SFT2D2: variants seen among roughly 807,000 people sequenced by gnomAD.
SFT2D2 encodes vesicle transport protein SFT2B.
A neutral mutation model predicts 27.4 loss-of-function variants in SFT2D2; 21 were observed. The observed-to-expected ratio is 0.77, with a 90% CI of 0.54 to 1.10. SFT2D2 has a LOEUF of 1.10. Ranked by LOEUF, SFT2D2 falls within the 50% of genes least tolerant of loss-of-function variation. The pLI, the probability that SFT2D2 is intolerant of heterozygous loss-of-function variation, is 0.00. For missense variants in SFT2D2, 187 were observed against 194.2 expected (o/e 0.96, Z 0.22); for synonymous variants, 72 against 71.7 (o/e 1.00, Z -0.02).
In SFT2D2 at chr1:168,245,313, G is replaced by C. The variant is rs1461816525; in HGVS notation, c.*2773G>C. ...TCAATTGTGTTTCTCCATGTTAGAA[G>C]TAAAGAATTAGGAATTGAAAATTTA... is the stretch of plus-strand genomic sequence containing the variant. On this transcript the variant is annotated 3_prime_UTR_variant, in exon 8 of 8. Transcript: ENST00000271375. 1 of 152,118 alleles carries C rather than the reference G, an allele frequency of 6.6e-6. No individual in the cohort carries two copies. Among genetic ancestry groups the C allele is most frequent in the African/African-American group, 2.4e-5 (1 of 41,420 alleles). 9.4% of individuals were successfully genotyped at this position (152,118 alleles called of 1,614,324 possible). A position where few individuals can be genotyped will look rare whatever the true frequency, so the allele number is the denominator to read the frequency against.
In SFT2D2 at chr1:168,246,810, A is replaced by G. The variant is rs747999937; in HGVS notation, c.*4270A>G. 4.5e-6 allele frequency: 3 copies of G among 673,326 alleles called. No homozygotes were observed. Among genetic ancestry groups the G allele is most frequent in the South Asian group, 2.9e-5 (2 of 69,638 alleles). The allele number at this position is 673,326 out of a possible 1,614,324, so 41.7% of individuals were successfully genotyped here. A position where few individuals can be genotyped will look rare whatever the true frequency, so the allele number is the denominator to read the frequency against. ...AGTAAGCTGTCCACTATAATGGGCT[A>G]TCGTTTTTGTTGATTTTTCCCCATT... On this transcript the variant is annotated 3_prime_UTR_variant, in exon 8 of 8. Transcript: ENST00000271375.
intron 6 of SFT2D2, 42 bp from the exon 7 acceptor site, chr1:168,239,089 C>T: frequency 1.4e-6 from 2 of 1,478,338 alleles, no homozygotes; most frequent in Non-Finnish European, 9.5e-7. Context: ...ATCTGCTACT[C>T]CCTTCATCTC....
At chr1:168,231,665 G>T (rs949834551) in intron 2 of SFT2D2, 65 bp downstream of exon 2, 2 of 1,533,666 alleles carry the variant, frequency 1.3e-6, no homozygotes, top group Non-Finnish European at 1.8e-6. Flanking sequence ...TCCCCCTTTT[G>T]TCCACCTCCT....
intron 4 of SFT2D2, among the ~76,000 whole-genome samples, chr1:168,235,584 C>T (rs932280942): frequency 3.1e-4 from 47 of 152,282 alleles, no homozygotes; most frequent in African/African-American, 1.1e-3. Context: ...ATAGAATGGC[C>T]TCTTTATTCC....
At position 168,239,159 on chromosome 1, in the gene SFT2D2, A is replaced by C; in HGVS notation, c.442A>C (p.Arg148=). The change falls in exon 7 of 8, where the codon AGG becomes CGG. Residue 148 remains arginine (R), a splice_region_variant and synonymous_variant. Transcript: ENST00000271375. ...CAGCCTTTCCTTCATACCATTTGCA[A>C]GGTAAGACTGTGTATTTGGAAATAA... is the stretch of plus-strand genomic sequence containing the variant. ...WYSLSFIPFA[R]DAVKKCFAVC... is the part of the protein sequence containing the mutation. The C allele has an allele frequency of 6.2e-7, 1 of 1,603,920 alleles. No homozygotes were observed. Among genetic ancestry groups the C allele is most frequent in the Non-Finnish European group, 8.5e-7 (1 of 1,170,696 alleles).
intron 7 of SFT2D2, among the ~76,000 whole-genome samples, chr1:168,241,225 T>TG (rs1647636454): frequency 1.3e-5 from 2 of 148,268 alleles, no homozygotes; most frequent in Non-Finnish European, 3.0e-5. Flanking sequence ...TTTTTTTTTT[T>TG]GAGATGGAGT....
chr1:168,230,210 C>T (rs1374505755), intron 1 of SFT2D2, among the ~76,000 whole-genome samples: 3 of 152,132 alleles, frequency 2.0e-5, no homozygotes, highest in Admixed American at 6.5e-5. Context: ...TCAAGGCTGA[C>T]GGAGTTGCCA....
intron 6 of SFT2D2, among the ~76,000 whole-genome samples, chr1:168,237,232 G>A (rs986348054): frequency 1.3e-5 from 2 of 152,240 alleles, no homozygotes; most frequent in Non-Finnish European, 2.9e-5. Context: ...AGAGTGAACT[G>A]TCAGCAGGAG....
rs78404728 is a variant in SFT2D2 at position 168,242,794 on chromosome 1, C to T, written c.*254C>T. On this transcript the variant is annotated 3_prime_UTR_variant, in exon 8 of 8. Transcript: ENST00000271375. ...GGAATCTTCCTCATGTACCTGTTTCCTCTCTGGATGTTGTCCCACTGAATT... is the reference window on the plus strand; with the variant it reads ...GGAATCTTCCTCATGTACCTGTTTCTTCTCTGGATGTTGTCCCACTGAATT... 1 of 503,346 alleles carries T rather than the reference C, an allele frequency of 2.0e-6. No individual in the cohort carries two copies. The highest frequency in any genetic ancestry group is 2.2e-5 in the South Asian group (1 of 46,398). The allele number at this position is 503,346 out of a possible 1,614,324, so 31.2% of individuals were successfully genotyped here. A position where few individuals can be genotyped will look rare whatever the true frequency, so the allele number is the denominator to read the frequency against.
intron 7 of SFT2D2, among the ~76,000 whole-genome samples, chr1:168,242,291 T>C (rs1487310748): frequency 6.6e-6 from 1 of 152,210 alleles, no homozygotes; most frequent in Non-Finnish European, 1.5e-5. Context: ...CATCCCCTCT[T>C]ACAGATGAGG....
chr1:168,233,222 G>C (rs1647376687), intron 3 of SFT2D2, among the ~76,000 whole-genome samples: 1 of 152,136 alleles, frequency 6.6e-6, no homozygotes, highest in African/African-American at 2.4e-5. Context: ...CTGGAATGCT[G>C]CCCTATCTGT....
chr1:168,237,988 C>A (rs542982747), intron 6 of SFT2D2, among the ~76,000 whole-genome samples: 1 of 152,034 alleles, frequency 6.6e-6, no homozygotes, highest in Admixed American at 6.6e-5. Context: ...GATTTTGAAT[C>A]CAGTTTCAGA....
In SFT2D2 at chr1:168,246,265, C is replaced by T; in HGVS notation, c.*3725C>T. On this transcript the variant is annotated 3_prime_UTR_variant, in exon 8 of 8. Coordinates refer to ENST00000271375, the MANE Select transcript of SFT2D2 (RefSeq NM_199344.3). ...GTAGCATCACATTTGGCTTGACTAT[C>T]AATTACTGTTTTTTCTTGATTGTCA... 2.7e-6 allele frequency: 1 copy of T among 372,360 alleles called. No individual in the cohort carries two copies. The highest frequency in any genetic ancestry group is 5.1e-6 in the Non-Finnish European group (1 of 195,498). 23.1% of individuals were successfully genotyped at this position (372,360 alleles called of 1,614,324 possible). A position where few individuals can be genotyped will look rare whatever the true frequency, so the allele number is the denominator to read the frequency against.
intron 6 of SFT2D2, among the ~76,000 whole-genome samples, chr1:168,237,639 T>C (rs182279040): frequency 6.6e-6 from 1 of 152,370 alleles, no homozygotes; most frequent in Admixed American, 6.5e-5. Context: ...ATTTTAAAGT[T>C]CTGAAGAATT....
chr1:168,246,752 AG>A lies in SFT2D2; in HGVS notation c.*4213del. 1.3e-6 allele frequency: 1 copy of A among 784,856 alleles called. No individual in the cohort carries two copies. Among genetic ancestry groups the A allele is most frequent in the Non-Finnish European group, 2.2e-6 (1 of 464,380 alleles). 48.6% of individuals were successfully genotyped at this position (784,856 alleles called of 1,614,324 possible). A position where few individuals can be genotyped will look rare whatever the true frequency, so the allele number is the denominator to read the frequency against. On this transcript the variant is annotated 3_prime_UTR_variant, in exon 8 of 8. Transcript: ENST00000271375. ...TGCTTTGTTTTTCCTTCTCCAGTTT[AG>A]AACGGAGCATTGTGTTCTCATCTGT...
At chr1:168,238,060 G>A (rs559540808) in intron 6 of SFT2D2, among the ~76,000 whole-genome samples, 4 of 152,174 alleles carry the variant, frequency 2.6e-5, no homozygotes, top group African/African-American at 4.8e-5. Flanking sequence ...CATGTGTTCT[G>A]ACTGTGTTTG....
intron 4 of SFT2D2, among the ~76,000 whole-genome samples, 157 bp downstream of exon 4, chr1:168,235,339 A>G (rs189655381): frequency 6.5e-4 from 99 of 152,268 alleles, no homozygotes; most frequent in Non-Finnish European, 1.8e-4. Flanking sequence ...GGAACACTCT[A>G]AGTAATACTA....
intron 1 of SFT2D2, among the ~76,000 whole-genome samples, chr1:168,227,421 G>A (rs1359547721): frequency 1.3e-5 from 2 of 152,080 alleles, no homozygotes; most frequent in Non-Finnish European, 2.9e-5. Flanking sequence ...GATTTTATTC[G>A]GTTTTGTTTT....
At chr1:168,228,159 T>C (rs540661047) in intron 1 of SFT2D2, among the ~76,000 whole-genome samples, 30 of 152,348 alleles carry the variant, frequency 2.0e-4, no homozygotes, top group Admixed American at 5.9e-4. Context: ...AGGAAATGTT[T>C]TGTTGCCGAC....
Sources: allele counts gnomAD v4.1 joint callset (sites outside exome capture counted in the v4.1 genomes callset), GRCh38; gene constraint gnomAD v4.1.1; transcripts MANE v1.5; gene names NCBI Gene and HGNC (gene_info 2026-07-23, HGNC 2026-07-21).